TRAPPC9: variants seen among roughly 807,000 people sequenced by gnomAD.
The protein encoded by TRAPPC9 is IKK2 binding protein.
A neutral mutation model predicts 124.0 loss-of-function variants in TRAPPC9; 83 were observed. The ratio of observed to expected loss-of-function variants is 0.67; its 90% CI spans 0.56 to 0.80. The LOEUF (loss-of-function observed/expected upper bound fraction) is 0.80. Ranked by LOEUF, TRAPPC9 falls within the 30% of genes least tolerant of loss-of-function variation. The pLI is 0.00. For synonymous variants in TRAPPC9, 638 were observed against 617.5 expected, an observed-to-expected ratio of 1.03 and a Z score of -0.49; for missense variants, 1,302 against 1,508.3, an observed-to-expected ratio of 0.86 and a Z score of 2.27.
intron 17 of TRAPPC9, among the ~76,000 whole-genome samples, chr8:140,073,960 A>C (rs1843346065): frequency 6.6e-6 from 1 of 152,156 alleles, no homozygotes; most frequent in African/African-American, 2.4e-5. Context: ...AAATCCTCCC[A>C]GCAATCCTGT....
intron 17 of TRAPPC9, among the ~76,000 whole-genome samples, chr8:140,183,881 AAGAAGAAGAGGAG>A (rs2062268650): frequency 5.4e-5 from 4 of 74,194 alleles, no homozygotes; most frequent in Admixed American, 1.4e-4. Context: ...GAAGAAGAAG[AAGAAGAAGAGGAG>A]AGGAGAGGAG....
rs552224997 is a variant in TRAPPC9 at position 140,249,352 on chromosome 8, C to T, written c.2431+3425G>A. 2.0e-5 allele frequency among the ~76,000 whole-genome samples: 3 copies of T among 152,266 alleles called. No individual in the cohort carries two copies. In the East Asian group the frequency reaches 5.8e-4, roughly 29 times the overall value. Reference sequence around the variant, plus strand: ...AGATGCATCCACGTTGCTGCAAAGGCCATGATTTCATTCTGTTCTATGGCT... The same window carrying T: ...AGATGCATCCACGTTGCTGCAAAGGTCATGATTTCATTCTGTTCTATGGCT... On this transcript the variant is annotated intron_variant, in intron 16 of 22. Transcript: ENST00000438773.
chr8:140,202,530 C>T (rs1293683564), intron 17 of TRAPPC9, among the ~76,000 whole-genome samples: 1 of 152,128 alleles, frequency 6.6e-6, no homozygotes, highest in Non-Finnish European at 1.5e-5. Context: ...TAAAAGGCCA[C>T]TTTATAAAAG....
At chr8:139,756,823 T>G (rs1409923276) in intron 21 of TRAPPC9, among the ~76,000 whole-genome samples, 3 of 102,494 alleles carry the variant, frequency 2.9e-5, no homozygotes, top group African/African-American at 4.3e-5. Context: ...AGCCAGGGAT[T>G]GGGGATGAGG....
At chr8:140,023,648 A>G (rs1408009806) in intron 18 of TRAPPC9, among the ~76,000 whole-genome samples, 11 of 152,224 alleles carry the variant, frequency 7.2e-5, no homozygotes, top group African/African-American at 2.4e-4. Context: ...TGGGCGGGAA[A>G]TGTGTGTGCA....
intron 17 of TRAPPC9, among the ~76,000 whole-genome samples, chr8:140,085,534 C>A (rs997149493): frequency 6.6e-6 from 1 of 152,168 alleles, no homozygotes; most frequent in South Asian, 2.1e-4. Flanking sequence ...AGGGAAGCCC[C>A]GTCAGGCAGC....
At chr8:140,418,378 A>C (rs937817229) in intron 5 of TRAPPC9, among the ~76,000 whole-genome samples, 7 of 152,198 alleles carry the variant, frequency 4.6e-5, no homozygotes, top group Middle Eastern at 3.2e-3. Flanking sequence ...CTAATACCAA[A>C]ACCAGAAACA....
chr8:139,958,111 A>T (rs1835116484), intron 19 of TRAPPC9, among the ~76,000 whole-genome samples: 1 of 152,118 alleles, frequency 6.6e-6, no homozygotes, highest in Admixed American at 6.5e-5. Context: ...ACTTGGGCTG[A>T]AAGGACTCAC....
chr8:139,756,448 C>T (rs1389712170), intron 21 of TRAPPC9, among the ~76,000 whole-genome samples: 7 of 125,844 alleles, frequency 5.6e-5, no homozygotes, highest in South Asian at 2.7e-4. Flanking sequence ...ATGAGGACAG[C>T]AGGTCGCAGA....
At chr8:140,365,213 G>A (rs1451688248) in intron 8 of TRAPPC9, among the ~76,000 whole-genome samples, 2 of 151,998 alleles carry the variant, frequency 1.3e-5, no homozygotes, top group East Asian at 2.0e-4. Context: ...ACCAGTAAAC[G>A]AGTGTAAACT....
intron 19 of TRAPPC9, among the ~76,000 whole-genome samples, chr8:139,936,525 C>G (rs1047370244): frequency 3.3e-5 from 5 of 152,218 alleles, no homozygotes; most frequent in Admixed American, 3.3e-4. Flanking sequence ...TTAGAGCCTT[C>G]TAAAGGTAGA....
At chr8:140,177,311 T>C (rs190200196) in intron 17 of TRAPPC9, among the ~76,000 whole-genome samples, 14 of 152,342 alleles carry the variant, frequency 9.2e-5, no homozygotes, top group Admixed American at 9.2e-4. Context: ...TGATCTAATT[T>C]TTATATACAT....
chr8:139,731,180 A>G lies in TRAPPC9; in HGVS notation c.3328T>C (p.Tyr1110His). The stretch of plus-strand genomic sequence containing the variant: ...ATGTGGAGGAAGAAGTCTCCCGTGT[A>G]GAGGAAGAGGAGGGCCCCGAGGCAG... ...SACLGALLFLYTGDFFLHIRF... is the reference protein window; with the variant it reads ...SACLGALLFLHTGDFFLHIRF... Residue 1110 changes from tyrosine to histidine, a missense_variant, in exon 23 of 23, where the codon TAC (tyrosine) becomes CAC (histidine). This residue lies in a region of TRAPPC9 where 640 missense variants were observed against 679.3 expected (regional missense o/e 0.94). Coordinates refer to ENST00000438773, the MANE Select transcript of TRAPPC9 (RefSeq NM_001160372.4). 2.5e-6 allele frequency: 4 copies of G among 1,613,852 alleles called. 1 individual carries two copies. Among genetic ancestry groups the G allele is most frequent in the South Asian group, 2.2e-5 (2 of 91,082 alleles).
chr8:140,301,624 C>T (rs6988740), intron 10 of TRAPPC9, among the ~76,000 whole-genome samples: 47,810 of 152,048 alleles, frequency 0.31, 8,556 homozygotes, highest in East Asian at 0.64. Context: ...GGACAAGGAG[C>T]AGAGGTGGGA....
At chr8:139,813,074 G>A (rs994088189) in intron 21 of TRAPPC9, among the ~76,000 whole-genome samples, 3 of 152,228 alleles carry the variant, frequency 2.0e-5, no homozygotes, top group South Asian at 2.1e-4. Context: ...TACCAGGGAA[G>A]GGGTCTGAGA....
intron 19 of TRAPPC9, among the ~76,000 whole-genome samples, chr8:139,910,937 T>G (rs879859958): frequency 1.3e-5 from 2 of 152,228 alleles, no homozygotes; most frequent in African/African-American, 2.4e-5. Flanking sequence ...TGTGGACTTT[T>G]GAGTTAATGT....
At position 140,191,316 on chromosome 8, in the gene TRAPPC9, T is replaced by A. The variant is rs981265704; in HGVS notation, c.2556+30143A>T. On this transcript the variant is annotated intron_variant, in intron 17 of 22. Transcript: ENST00000438773. ...TGCCAGTGGGGGATACTAATAGTGG[T>A]GAAGTCAGGTCTGACTTTAAAGCCT... 2.4e-4 allele frequency among the ~76,000 whole-genome samples: 37 copies of A among 152,208 alleles called. 2 individuals are homozygous for A. The highest frequency in any genetic ancestry group is 2.4e-3 in the Admixed American group (37 of 15,288).
chr8:140,298,138 C>T (rs13273601), intron 11 of TRAPPC9, among the ~76,000 whole-genome samples: 98,957 of 152,114 alleles, frequency 0.65, 32,683 homozygotes, highest in African/African-American at 0.78. Flanking sequence ...TAAAGCACAA[C>T]TAGAATAAAA....
At chr8:140,143,160 G>A (rs2061406788) in intron 17 of TRAPPC9, among the ~76,000 whole-genome samples, 1 of 152,198 alleles carries the variant, frequency 6.6e-6, no homozygotes, top group South Asian at 2.1e-4. Flanking sequence ...GCGTTTCCCT[G>A]ATTAGTATTT....
Sources: allele counts gnomAD v4.1 joint callset (sites outside exome capture counted in the v4.1 genomes callset), GRCh38; gene constraint gnomAD v4.1.1; regional missense constraint gnomAD v4.1.1; transcripts MANE v1.5; gene names NCBI Gene and HGNC (gene_info 2026-07-23, HGNC 2026-07-21).